LRRC4C: variants seen among roughly 807,000 people sequenced by gnomAD.
LRRC4C encodes leucine rich repeat containing 4C.
LRRC4C carries 5 observed loss-of-function variants against 33.6 expected under a neutral mutation model. The observed-to-expected ratio is 0.15, with a 90% CI of 0.08 to 0.31. The LOEUF (loss-of-function observed/expected upper bound fraction) is 0.31. Among genes scored for constraint, LRRC4C ranks in the 10% least tolerant of loss-of-function variants. The pLI is 1.00. For synonymous variants in LRRC4C, 329 were observed against 302.0 expected (o/e 1.09, Z -0.93); for missense variants, 560 against 796.7 (o/e 0.70, Z 3.58).
At chr11:40,547,870 A>G (rs1282912638) in intron 3 of LRRC4C, among the ~76,000 whole-genome samples, 1 of 152,112 alleles carries the variant, frequency 6.6e-6, no homozygotes, top group Non-Finnish European at 1.5e-5. Context: ...ACATAAGATA[A>G]CATTCAGCAA....
intron 1 of LRRC4C, among the ~76,000 whole-genome samples, chr11:41,083,553 G>A (rs1043689104): frequency 6.6e-6 from 1 of 152,148 alleles, no homozygotes; most frequent in Non-Finnish European, 1.5e-5. Context: ...GGATGATACA[G>A]CTAGGGAGGA....
chr11:41,342,130 C>G (rs959326545), intron 1 of LRRC4C, among the ~76,000 whole-genome samples: 1 of 151,436 alleles, frequency 6.6e-6, no homozygotes, highest in African/African-American at 2.4e-5. Flanking sequence ...AACACAGTTA[C>G]CTCCACTATT....
chr11:41,162,391 C>A (rs1191395151), intron 1 of LRRC4C, among the ~76,000 whole-genome samples: 1 of 152,186 alleles, frequency 6.6e-6, no homozygotes, highest in East Asian at 1.9e-4. Flanking sequence ...ATTTACTGAA[C>A]TTGCTCAGTG....
intron 2 of LRRC4C, among the ~76,000 whole-genome samples, chr11:40,654,896 G>T (rs7131197): frequency 0.36 from 54,945 of 151,936 alleles, 10,945 homozygotes; most frequent in East Asian, 0.61. Flanking sequence ...ATTCTCTTGA[G>T]GGTGAGTGAG....
chr11:40,420,354 C>G (rs1950479078), intron 3 of LRRC4C, among the ~76,000 whole-genome samples: 1 of 152,176 alleles, frequency 6.6e-6, no homozygotes, highest in Non-Finnish European at 1.5e-5. Flanking sequence ...AACTTTGTCT[C>G]AAGAACTCCC....
intron 1 of LRRC4C, among the ~76,000 whole-genome samples, chr11:41,215,207 G>T (rs1030051494): frequency 1.3e-5 from 2 of 151,276 alleles, no homozygotes; most frequent in African/African-American, 4.9e-5. Flanking sequence ...TAAAAAACTG[G>T]CCAGGAGTAG....
chr11:40,790,255 G>T lies in LRRC4C; in HGVS notation c.-406-141977C>A, dbSNP rs1290038000. Among the ~76,000 whole-genome samples the T allele has an allele frequency of 2.0e-5, 3 of 152,146 alleles. No individual in the cohort carries two copies. In the East Asian group the frequency reaches 5.8e-4, roughly 29 times the overall value. On this transcript the variant is annotated intron_variant, in intron 2 of 6. Transcript: ENST00000528697. ...CTCATTTGAAGTTCTTATTTGCAAA[G>T]TGGAATTGATGCAAAAGATGATTTT...
chr11:40,984,363 A>AAAAAAG (rs1555027378), intron 1 of LRRC4C, among the ~76,000 whole-genome samples: 1 of 120,296 alleles, frequency 8.3e-6, no homozygotes, highest in Non-Finnish European at 1.8e-5. Context: ...AAAGAAAGAA[A>AAAAAAG]AAAGAAAGAA....
chr11:41,251,627 A>C (rs937247170), intron 1 of LRRC4C, among the ~76,000 whole-genome samples: 10 of 152,210 alleles, frequency 6.6e-5, no homozygotes, highest in African/African-American at 2.4e-4. Context: ...GCAATTAAGA[A>C]TTGTGAAACA....
At chr11:40,363,883 C>G (rs1343685182) in intron 3 of LRRC4C, among the ~76,000 whole-genome samples, 2 of 152,196 alleles carry the variant, frequency 1.3e-5, no homozygotes, top group Non-Finnish European at 2.9e-5. Flanking sequence ...TTACACTTCT[C>G]TAATCGCATG....
intron 1 of LRRC4C, among the ~76,000 whole-genome samples, chr11:41,278,987 C>G (rs1191132812): frequency 6.6e-6 from 1 of 152,088 alleles, no homozygotes; most frequent in Non-Finnish European, 1.5e-5. Context: ...CTCCCATCCT[C>G]CCTGTTCTAG....
intron 3 of LRRC4C, among the ~76,000 whole-genome samples, chr11:40,354,603 TCATGG>T (rs1785341489): frequency 6.6e-6 from 1 of 152,190 alleles, no homozygotes; most frequent in Admixed American, 6.5e-5. Flanking sequence ...GAGTCTCTCC[TCATGG>T]CCACTGCTGC....
chr11:41,062,225 T>C (rs1344073751), intron 1 of LRRC4C, among the ~76,000 whole-genome samples: 2 of 152,224 alleles, frequency 1.3e-5, no homozygotes, highest in Non-Finnish European at 2.9e-5. Flanking sequence ...TTAGTTATTT[T>C]TCCTTATCTT....
intron 3 of LRRC4C, among the ~76,000 whole-genome samples, chr11:40,596,348 G>T (rs1306534816): frequency 6.6e-6 from 1 of 151,766 alleles, no homozygotes; most frequent in Non-Finnish European, 1.5e-5. Context: ...ATATATTTAT[G>T]GAGTACACAT....
chr11:41,217,852 C>T (rs1565488399), intron 1 of LRRC4C, among the ~76,000 whole-genome samples: 1 of 151,908 alleles, frequency 6.6e-6, no homozygotes, highest in Admixed American at 6.6e-5. Context: ...AATTTAAAAA[C>T]TAAATTGCAT....
chr11:40,546,459 T>C (rs1256425037), intron 3 of LRRC4C, among the ~76,000 whole-genome samples: 4 of 152,104 alleles, frequency 2.6e-5, no homozygotes, highest in Non-Finnish European at 4.4e-5. Context: ...GGATCAATTT[T>C]ACATGGTTGT....
At chr11:41,178,661 A>C (rs1454975503) in intron 1 of LRRC4C, among the ~76,000 whole-genome samples, 1 of 152,044 alleles carries the variant, frequency 6.6e-6, no homozygotes. Context: ...CTAGCCCCAG[A>C]CTTTCTAAAT....
chr11:40,600,754 A>G (rs1294746070), intron 3 of LRRC4C, among the ~76,000 whole-genome samples: 1 of 152,254 alleles, frequency 6.6e-6, no homozygotes, highest in African/African-American at 2.4e-5. Flanking sequence ...TAGATCTCCC[A>G]TAAGTCAATA....
rs188798410 is a variant in LRRC4C, at chr11:40,316,914, T to A, written c.-176+2714A>T. Among the ~76,000 whole-genome samples, 1,130 of 120,774 alleles carry A rather than the reference T, an allele frequency of 9.4e-3. 14 individuals are homozygous for A. Among genetic ancestry groups the A allele is most frequent in the South Asian group, 0.025 (80 of 3,156 alleles). The allele number at this position is 120,774 out of a possible 152,430, so 79.2% of individuals were successfully genotyped here. On this transcript the variant is annotated intron_variant, in intron 4 of 6. Coordinates refer to ENST00000528697, the MANE Select transcript of LRRC4C (RefSeq NM_001258419.2). ...GGTTCTCTTAAGTTACCAGGTTTTT[T>A]AAAAAAATTTAGTTCCCTAATATGC... is the stretch of plus-strand genomic sequence containing the variant.
Sources: allele counts gnomAD v4.1 joint callset (sites outside exome capture counted in the v4.1 genomes callset), GRCh38; gene constraint gnomAD v4.1.1; transcripts MANE v1.5; gene names NCBI Gene and HGNC (gene_info 2026-07-23, HGNC 2026-07-21).